ACVR1C: variants seen among roughly 807,000 people sequenced by gnomAD.
The protein encoded by ACVR1C is activin receptor type-1C.
In ACVR1C, 23 loss-of-function variants were observed where a neutral mutation model predicts 57.9. That is an observed-to-expected ratio of 0.40 (90% confidence interval 0.29 to 0.56). The LOEUF (loss-of-function observed/expected upper bound fraction) is 0.56. Among genes scored for constraint, ACVR1C ranks in the 20% least tolerant of loss-of-function variants. The pLI is 0.50. For synonymous variants in ACVR1C, 214 were observed against 215.3 expected, an observed-to-expected ratio of 0.99 and a Z score of 0.05; for missense variants, 480 against 607.9, an observed-to-expected ratio of 0.79 and a Z score of 2.21.
chr2:157,579,826 G>A (rs966175758), intron 2 of ACVR1C, among the ~76,000 whole-genome samples: 19 of 151,916 alleles, frequency 1.3e-4, no homozygotes, highest in African/African-American at 2.2e-4. Context: ...TCTAAATTTC[G>A]GATACTTTTA....
intron 1 of ACVR1C, among the ~76,000 whole-genome samples, chr2:157,615,721 T>C (rs1682631682): frequency 6.6e-6 from 1 of 152,170 alleles, no homozygotes; most frequent in Non-Finnish European, 1.5e-5. Context: ...GTATGGAATA[T>C]TGGGTTGGCA....
chr2:157,599,976 G>T (rs935545967), intron 1 of ACVR1C, among the ~76,000 whole-genome samples: 41 of 152,128 alleles, frequency 2.7e-4, no homozygotes, highest in Non-Finnish European at 2.9e-4. Flanking sequence ...GTTTAAGAAA[G>T]AATTCAATTA....
intron 2 of ACVR1C, among the ~76,000 whole-genome samples, chr2:157,582,192 G>T (rs1165645686): frequency 6.6e-6 from 1 of 152,074 alleles, no homozygotes; most frequent in East Asian, 1.9e-4. Flanking sequence ...AGATGTGGTG[G>T]CATGTGCCTG....
intron 2 of ACVR1C, among the ~76,000 whole-genome samples, chr2:157,576,699 T>C (rs1688661603): frequency 6.6e-6 from 1 of 152,126 alleles, no homozygotes; most frequent in Admixed American, 6.5e-5. Context: ...ACTGTTTTTG[T>C]TTGGTTTTGA....
At chr2:157,624,466 A>G (rs1424455721) in intron 1 of ACVR1C, among the ~76,000 whole-genome samples, 1 of 152,266 alleles carries the variant, frequency 6.6e-6, no homozygotes, top group African/African-American at 2.4e-5. Flanking sequence ...AACTACTCCA[A>G]AATCACATCT....
At chr2:157,555,068 T>C (rs111880282) in intron 3 of ACVR1C, among the ~76,000 whole-genome samples, 3,130 of 150,140 alleles carry the variant, frequency 0.021, 116 homozygotes, top group African/African-American at 0.073. Flanking sequence ...GAAAGGCTCA[T>C]TTAGGCTATA....
intron 1 of ACVR1C, among the ~76,000 whole-genome samples, chr2:157,598,494 G>T (rs1445732130): frequency 6.6e-6 from 1 of 150,844 alleles, no homozygotes; most frequent in Non-Finnish European, 1.5e-5. Flanking sequence ...TTCAAATGTG[G>T]ATAAACATAA....
intron 1 of ACVR1C, among the ~76,000 whole-genome samples, chr2:157,623,922 A>C (rs543124464): frequency 6.6e-6 from 1 of 152,202 alleles, no homozygotes; most frequent in Admixed American, 6.5e-5. Flanking sequence ...TTTTTTAATG[A>C]TAAGGCATAA....
At chr2:157,600,507 C>T (rs1044788741) in intron 1 of ACVR1C, among the ~76,000 whole-genome samples, 3 of 152,100 alleles carry the variant, frequency 2.0e-5, no homozygotes, top group Non-Finnish European at 2.9e-5. Context: ...AAAGACAGAA[C>T]TATCTGTCTC....
rs542523079 is a variant in ACVR1C at position 157,617,226 on chromosome 2, T to C, written c.73+11346A>G. 5.9e-5 allele frequency among the ~76,000 whole-genome samples: 9 copies of C among 152,196 alleles called. No individual in the cohort carries two copies. In the South Asian group the frequency reaches 1.7e-3, roughly 28 times the overall value. On this transcript the variant is annotated intron_variant, in intron 1 of 8. Transcript: ENST00000243349. ...GGGACGTCTTATATTAATTAAATAG[T>C]CATTGCATCAGGAAGGCATGGAAAT...
Position 157,577,045 on chromosome 2 carries a change from C to T in ACVR1C, c.304+10142G>A, listed in dbSNP as rs1209237505. Among the ~76,000 whole-genome samples the T allele has an allele frequency of 2.3e-4, 14 of 61,548 alleles. 2 individuals are homozygous for T. The South Asian group carries it at 4.8e-3, about 21-fold the overall frequency. 40.4% of individuals were successfully genotyped at this position (61,548 alleles called of 152,430 possible). ...AATTTTTTGTATTTTTTAGTAGAGA[C>T]GGGGTTTCACCTTGTTAGCCAGGAT... On this transcript the variant is annotated intron_variant, in intron 2 of 8. Transcript: ENST00000243349.
At position 157,531,207 on chromosome 2, in the gene ACVR1C, T is replaced by A. The variant is rs1430232863; in HGVS notation, c.*2711A>T. On this transcript the variant is annotated 3_prime_UTR_variant, in exon 9 of 9. Transcript: ENST00000243349. Reference sequence around the variant, plus strand: ...TTATGCTCTAAACTTCATCATCCTATTTTTGTAAGTGAGCATGTTCTATAT... The same window carrying A: ...TTATGCTCTAAACTTCATCATCCTAATTTTGTAAGTGAGCATGTTCTATAT... 6.6e-6 allele frequency: 1 copy of A among 152,072 alleles called. No individual in the cohort carries two copies. The highest frequency in any genetic ancestry group is 2.4e-5 in the African/African-American group (1 of 41,448). 9.4% of individuals were successfully genotyped at this position (152,072 alleles called of 1,614,324 possible).
chr2:157,605,524 C>A (rs758678859), intron 1 of ACVR1C, among the ~76,000 whole-genome samples: 5 of 151,770 alleles, frequency 3.3e-5, no homozygotes, highest in South Asian at 2.1e-4. Flanking sequence ...GAATATAGTA[C>A]AATACGTCCT....
At chr2:157,545,658 A>G (rs1248800408) in intron 4 of ACVR1C, among the ~76,000 whole-genome samples, 2 of 152,226 alleles carry the variant, frequency 1.3e-5, no homozygotes, top group African/African-American at 4.8e-5. Context: ...ATCATTTGGA[A>G]TCATGCAAAA....
chr2:157,600,582 CACTT>C (rs377300966), intron 1 of ACVR1C, among the ~76,000 whole-genome samples: 22 of 152,254 alleles, frequency 1.4e-4, no homozygotes, highest in African/African-American at 5.3e-4. Flanking sequence ...CTCAGGGGCT[CACTT>C]GTCAGAAATT....
chr2:157,624,322 C>T (rs1264222675), intron 1 of ACVR1C, among the ~76,000 whole-genome samples: 1 of 152,130 alleles, frequency 6.6e-6, no homozygotes, highest in Admixed American at 6.5e-5. Context: ...TGCCTCTATC[C>T]AATCTCCTCT....
intron 1 of ACVR1C, among the ~76,000 whole-genome samples, chr2:157,593,294 T>G (rs1689085171): frequency 6.6e-6 from 1 of 152,212 alleles, no homozygotes; most frequent in Non-Finnish European, 1.5e-5. Flanking sequence ...AAGCCAAATA[T>G]TTATTTGGCA....
chr2:157,542,418 T>C (rs962274174), intron 6 of ACVR1C, among the ~76,000 whole-genome samples: 1 of 152,194 alleles, frequency 6.6e-6, no homozygotes, highest in South Asian at 2.1e-4. Context: ...GGAAAATGCA[T>C]TCTCAGAAAA....
At chr2:157,554,658 T>A (rs1217924900) in intron 3 of ACVR1C, among the ~76,000 whole-genome samples, 1 of 152,204 alleles carries the variant, frequency 6.6e-6, no homozygotes, top group Non-Finnish European at 1.5e-5. Flanking sequence ...TCTTTTCTGA[T>A]GAATCCAAAG....
Sources: gnomAD v4.1 joint callset for allele counts (sites outside exome capture counted in the v4.1 genomes callset) on GRCh38, gnomAD v4.1.1 for gene constraint, MANE v1.5 for transcripts, NCBI Gene and HGNC (gene_info 2026-07-23, HGNC 2026-07-21) for gene names.